Variants in ZIM2 observed in about 807,000 individuals in gnomAD.
ZIM2 encodes the protein zinc finger protein 656.
A neutral mutation model predicts 38.6 loss-of-function variants in ZIM2; 14 were observed. The ratio of observed to expected loss-of-function variants is 0.36; its 90% CI spans 0.24 to 0.57. ZIM2 has a LOEUF of 0.57. Among genes scored for constraint, ZIM2 ranks in the 20% least tolerant of loss-of-function variants. The probability of loss-of-function intolerance (pLI) is 0.81; values close to 1 mark genes in which losing one functional copy is unlikely to be tolerated. For missense variants in ZIM2, 680 were observed against 695.1 expected (o/e 0.98, Z 0.24); for synonymous variants, 247 against 245.8 (o/e 1.00, Z -0.04).
chr19:56,816,803 T>C, intron 9 of ZIM2: 1 of 1,614,170 alleles, frequency 6.2e-7, no homozygotes, highest in Non-Finnish European at 8.5e-7. Context: ...AAGGTGGGGC[T>C]AGGCATGAAG....
At chr19:56,838,126 T>C (rs3795005) in intron 1 of ZIM2, among the ~76,000 whole-genome samples, 2 of 152,044 alleles carry the variant, frequency 1.3e-5, no homozygotes, top group African/African-American at 4.8e-5. Flanking sequence ...GGCGGGGCCA[T>C]GCAGACCCCG....
intron 12 of ZIM2, among the ~76,000 whole-genome samples, chr19:56,778,117 A>C (rs2145834438): frequency 6.6e-6 from 1 of 152,120 alleles, no homozygotes; most frequent in Non-Finnish European, 1.5e-5. Flanking sequence ...TATCCACTTT[A>C]CGCTCCGTTA....
At chr19:56,838,241 CACCACAGTGG>C (rs1195169701) in intron 1 of ZIM2, among the ~76,000 whole-genome samples, 13 of 152,148 alleles carry the variant, frequency 8.5e-5, no homozygotes, top group African/African-American at 3.1e-4. Flanking sequence ...CCAAAGATTG[CACCACAGTGG>C]ACCAGGCTCG....
chr19:56,777,801 C>G (rs1429152283), intron 12 of ZIM2, among the ~76,000 whole-genome samples: 6 of 152,166 alleles, frequency 3.9e-5, no homozygotes, highest in Non-Finnish European at 5.9e-5. Context: ...CTCAAAACCT[C>G]CCCCCATCTT....
intron 10 of ZIM2, 81 bp from the exon 11 acceptor site, chr19:56,782,202 C>T (rs1310515474): frequency 2.1e-5 from 32 of 1,546,644 alleles, no homozygotes; most frequent in East Asian, 1.8e-4. Context: ...AGAGCTTCCA[C>T]GTGCTCTAAT....
chr19:56,824,184 T>A (rs2060791408), intron 4 of ZIM2, 78 bp downstream of exon 4: 2 of 1,558,510 alleles, frequency 1.3e-6, no homozygotes, highest in Admixed American at 1.8e-5. Flanking sequence ...CCAGACCATG[T>A]CAGAAGTGTG....
At chr19:56,795,272 C>T (rs2047140209) in intron 9 of ZIM2, among the ~76,000 whole-genome samples, 1 of 152,178 alleles carries the variant, frequency 6.6e-6, no homozygotes, top group Non-Finnish European at 1.5e-5. Flanking sequence ...ACGCAGCCCT[C>T]GCCTCTGGGG....
chr19:56,779,454 G>A lies in ZIM2; in HGVS notation c.758C>T (p.Pro253Leu). The A allele has an allele frequency of 6.2e-7, 1 of 1,613,894 alleles. No homozygotes were observed. The highest frequency in any genetic ancestry group is 8.5e-7 in the Non-Finnish European group (1 of 1,179,874). The change falls in exon 12 of 13, where the codon CCT becomes CTT. Residue 253 changes from proline to leucine, a missense_variant. Coordinates refer to ENST00000629319, the MANE Select transcript of ZIM2 (RefSeq NM_001387356.1). The stretch of plus-strand genomic sequence containing the variant: ...CTCTTCCAGGCGTGAGATAATGTCA[G>A]GTTTAGAGAACTGGTGCCCTGTTGG... The part of the protein sequence containing the change: ...LVSLGHQFSK[P>L]DIISRLEEEE...
intron 1 of ZIM2, among the ~76,000 whole-genome samples, chr19:56,837,668 C>G (rs2062322991): frequency 6.6e-6 from 1 of 152,308 alleles, no homozygotes; most frequent in East Asian, 1.9e-4. Flanking sequence ...CGCGGTCACT[C>G]AGGAAGGCTC....
rs981649524 is a variant in ZIM2 at position 56,811,068 on chromosome 19, A to G, written c.490+6678T>C. 13 of 934,482 alleles carry G rather than the reference A, an allele frequency of 1.4e-5. No homozygotes were observed. In the African/African-American group the frequency reaches 1.7e-4, roughly 12 times the overall value. 57.9% of individuals were successfully genotyped at this position (934,482 alleles called of 1,614,324 possible). On this transcript the variant is annotated intron_variant, in intron 9 of 12. Transcript: ENST00000629319. The stretch of plus-strand genomic sequence containing the variant: ...AAACAAGAATGAACAAGATAAGAGG[A>G]GAGTATATGTCTTTGGATGGTGGGG...
chr19:56,829,271 G>A (rs1276255686), intron 2 of ZIM2, among the ~76,000 whole-genome samples: 1 of 151,058 alleles, frequency 6.6e-6, no homozygotes, highest in Non-Finnish European at 1.5e-5. Flanking sequence ...TTGGACCCAG[G>A]AGGCAGAGGT....
At chr19:56,813,558 G>A in intron 9 of ZIM2, 2 of 1,456,726 alleles carry the variant, frequency 1.4e-6, no homozygotes, top group South Asian at 1.5e-5. Context: ...TAAGTCAGGT[G>A]TGTAACACAC....
At chr19:56,789,144 G>A (rs1243064723) in intron 10 of ZIM2, among the ~76,000 whole-genome samples, 4 of 151,938 alleles carry the variant, frequency 2.6e-5, no homozygotes, top group Non-Finnish European at 5.9e-5. Flanking sequence ...TTTTACATAA[G>A]TATGTCTTAA....
rs191672288 is a variant in ZIM2 at position 56,812,510 on chromosome 19, A to T, written c.490+5236T>A. 3.1e-4 allele frequency: 305 copies of T among 985,688 alleles called. 1 individual carries two copies. In the Middle Eastern group the frequency reaches 3.7e-3, roughly 12 times the overall value. 61.1% of individuals were successfully genotyped at this position (985,688 alleles called of 1,614,324 possible). A position where few individuals can be genotyped will look rare whatever the true frequency, so the allele number is the denominator to read the frequency against. ...GTTAGCGATAGAAAGATCTAAGGAT[A>T]CTAGCTCCTGGGCACCTAGGGTGCA... On this transcript the variant is annotated intron_variant, in intron 9 of 12. Coordinates refer to ENST00000629319, the MANE Select transcript of ZIM2 (RefSeq NM_001387356.1).
At position 56,814,435 on chromosome 19, in the gene ZIM2, T is replaced by C. The variant is rs745788750; in HGVS notation, c.490+3311A>G. 6.2e-7 allele frequency: 1 copy of C among 1,613,936 alleles called. No individual in the cohort carries two copies. The highest frequency in any genetic ancestry group is 1.7e-5 in the Admixed American group (1 of 60,024). ...GCTATGAATAAAGGACTTACCACAATCCTTGCATTCATAGAATGGTATAGC... is the reference window on the plus strand; with the variant it reads ...GCTATGAATAAAGGACTTACCACAACCCTTGCATTCATAGAATGGTATAGC... On this transcript the variant is annotated intron_variant, in intron 9 of 12. Coordinates refer to ENST00000629319, the MANE Select transcript of ZIM2 (RefSeq NM_001387356.1). The surrounding 1 kb of genome is among the most constrained non-coding windows in gnomAD (Gnocchi z 5.8).
intron 8 of ZIM2, among the ~76,000 whole-genome samples, chr19:56,818,141 A>G (rs1378789899): frequency 6.6e-6 from 1 of 151,824 alleles, no homozygotes; most frequent in Non-Finnish European, 1.5e-5. Context: ...CCTCTTTTCC[A>G]CTGGCCTTCT....
chr19:56,775,302 C>G lies in ZIM2; in HGVS notation c.1063G>C (p.Glu355Gln), dbSNP rs1217937399. 6.2e-7 allele frequency: 1 copy of G among 1,614,140 alleles called. No individual in the cohort carries two copies. The highest frequency in any genetic ancestry group is 8.5e-7 in the Non-Finnish European group (1 of 1,180,004). Residue 355 changes from glutamate (E) to glutamine (Q), a missense_variant, in exon 13 of 13, where the codon GAG becomes CAG. Transcript: ENST00000629319. ...AATTCACATCTGTTGTGTTTGTTCT[C>G]TTGGGATGCTGACTGGGGACTCGTA... ...ICTSPQSASQ[E>Q]NKHNRCEFCK...
rs192789548 is a variant in ZIM2 at position 56,809,376 on chromosome 19, G to A, written c.490+8370C>T. ...TCATGTGACATGAAGGATATTAGAC[G>A]GGCATGAAGTACACAATCATCTCCT... is the stretch of plus-strand genomic sequence containing the variant. On this transcript the variant is annotated intron_variant, in intron 9 of 12. Transcript: ENST00000629319. Among the ~76,000 whole-genome samples, 12 of 152,218 alleles carry A rather than the reference G, an allele frequency of 7.9e-5. No individual in the cohort carries two copies. In the East Asian group the frequency reaches 1.9e-3, roughly 24 times the overall value.
chr19:56,803,679 T>C (rs1001767769), intron 9 of ZIM2, among the ~76,000 whole-genome samples: 7 of 152,204 alleles, frequency 4.6e-5, no homozygotes, highest in Admixed American at 1.3e-4. Flanking sequence ...CACATGGCAA[T>C]AGTCCGTTGC....
Sources: gnomAD v4.1 joint callset for allele counts (sites outside exome capture counted in the v4.1 genomes callset) on GRCh38, gnomAD v4.1.1 for gene constraint, Gnocchi (gnomAD v3.1) non-coding constraint, MANE v1.5 for transcripts, NCBI Gene and HGNC (gene_info 2026-07-23, HGNC 2026-07-21) for gene names.